CYREN: variants seen among roughly 807,000 people sequenced by gnomAD.
The protein encoded by CYREN is cell cycle regulator of NHEJ, also known as cell cycle regulator of non-homologous end joining.
CYREN carries 7 observed loss-of-function variants against 9.7 expected under a neutral mutation model. The ratio of observed to expected loss-of-function variants is 0.72; its 90% CI spans 0.41 to 1.36. CYREN has a LOEUF of 1.36. Among genes scored for constraint, CYREN ranks in the 40% most tolerant of loss-of-function variants. The pLI is 0.01. For synonymous variants in CYREN, 76 were observed against 77.9 expected (o/e 0.98, Z 0.13); for missense variants, 215 against 198.1 (o/e 1.09, Z -0.51).
intron 1 of CYREN, chr7:135,170,227 G>A (rs292506): frequency 0.45 from 68,100 of 152,286 alleles, 15,807 homozygotes; most frequent in East Asian, 0.75. Context: ...AGCAGGCCGC[G>A]GCAACTTCCA....
chr7:135,119,722 A>G (rs2117229742), intron 2 of CYREN, among the ~76,000 whole-genome samples: 1 of 152,168 alleles, frequency 6.6e-6, no homozygotes, highest in Admixed American at 6.5e-5. Context: ...CTAAAAATAC[A>G]AAAAATTAGC....
rs182928636 is a variant in CYREN, at chr7:135,120,622, C to T, written n.357-26040G>A. 2.6e-5 allele frequency among the ~76,000 whole-genome samples: 4 copies of T among 152,034 alleles called. 1 individual carries two copies. The highest frequency in any genetic ancestry group is 9.7e-5 in the African/African-American group (4 of 41,382). On this transcript the variant is annotated intron_variant and non_coding_transcript_variant, in intron 2 of 2. Coordinates refer to the CYREN transcript ENST00000459937. ...CAACTATTACATTAAATGTAAATGA[C>T]CTAAATACAACAGTTAAGGACAGAT...
chr7:135,120,184 C>T (rs904299042), intron 2 of CYREN, among the ~76,000 whole-genome samples: 5 of 151,958 alleles, frequency 3.3e-5, no homozygotes, highest in South Asian at 2.1e-4. Context: ...AGAAAGAATA[C>T]GGTAAGCAAA....
chr7:135,144,926 G>A (rs1179850134), intron 2 of CYREN, among the ~76,000 whole-genome samples: 4 of 73,178 alleles, frequency 5.5e-5, no homozygotes, highest in Admixed American at 1.9e-4. Context: ...GAGAGACCCT[G>A]TCTCAAAAGA....
At chr7:135,096,414 G>GCAAA (rs200230384) in intron 2 of CYREN, among the ~76,000 whole-genome samples, 1 of 147,162 alleles carries the variant, frequency 6.8e-6, no homozygotes, top group Non-Finnish European at 1.5e-5. Flanking sequence ...GAGGAAGGAA[G>GCAAA]GAAAGAAAGA....
chr7:135,128,505 A>C (rs1417853499), intron 2 of CYREN: 1 of 758,884 alleles, frequency 1.3e-6, no homozygotes, highest in East Asian at 2.5e-5. Flanking sequence ...TTTACGATGG[A>C]GATGAATTTA....
chr7:135,112,268 A>G (rs1825751000), intron 2 of CYREN, among the ~76,000 whole-genome samples: 2 of 152,180 alleles, frequency 1.3e-5, no homozygotes, highest in African/African-American at 4.8e-5. Context: ...CCTGGGTCCC[A>G]GTGTGATCTT....
Position 135,166,923 on chromosome 7 carries a change from C to T in CYREN, c.214-52G>A, listed in dbSNP as rs567326025. On this transcript the variant is annotated intron_variant, in intron 3 of 3. Coordinates refer to ENST00000393114, the MANE Select transcript of CYREN (RefSeq NM_024033.4). ...CAACATACGTGTTTTATTTCCCTAA[C>T]ATGCTGATCTGTCAGTAACACAGGA... 32 of 1,586,768 alleles carry T rather than the reference C, an allele frequency of 2.0e-5. No homozygotes were observed. In the African/African-American group the frequency reaches 3.4e-4, roughly 17 times the overall value.
intron 2 of CYREN, among the ~76,000 whole-genome samples, chr7:135,113,055 G>A (rs1480180962): frequency 6.6e-6 from 1 of 152,164 alleles, no homozygotes; most frequent in African/African-American, 2.4e-5. Context: ...GAGATTACAA[G>A]CATGAGCTAC....
downstream of CYREN, among the ~76,000 whole-genome samples, chr7:135,161,234 C>T (rs1455772153): frequency 6.6e-6 from 1 of 152,210 alleles, no homozygotes; most frequent in Non-Finnish European, 1.5e-5. The surrounding 1 kb of genome is among the most constrained non-coding windows in gnomAD (Gnocchi z 4.1). Context: ...ACAAAGGCTC[C>T]TGGCGTCTGG....
intron 2 of CYREN, among the ~76,000 whole-genome samples, chr7:135,150,256 A>C (rs1343883413): frequency 6.6e-6 from 1 of 152,224 alleles, no homozygotes; most frequent in African/African-American, 2.4e-5. Context: ...CAAAACAAAT[A>C]TCTCTTCTGA....
At chr7:135,160,735 T>TA (rs11295955) in intron 2 of CYREN, among the ~76,000 whole-genome samples, 86,750 of 145,246 alleles carry the variant, frequency 0.6, 26,378 homozygotes, top group East Asian at 0.78. Context: ...TTCGCTCATT[T>TA]AAAAAAAAAA....
intron 2 of CYREN, among the ~76,000 whole-genome samples, chr7:135,136,813 A>C (rs2117384870): frequency 6.6e-6 from 1 of 152,240 alleles, no homozygotes; most frequent in Admixed American, 6.5e-5. Flanking sequence ...TGACCAAAAA[A>C]GGTGATAAAC....
Position 135,117,388 on chromosome 7 carries a change from T to C in CYREN, n.357-22806A>G, listed in dbSNP as rs145428292. ...TGTAGGTTTCAGCCCTATGATTACA[T>C]TCAGATGTAACGTCATGTTCAACAT... On this transcript the variant is annotated intron_variant and non_coding_transcript_variant, in intron 2 of 2. Transcript: ENST00000459937. Among the ~76,000 whole-genome samples, 447 of 152,316 alleles carry C rather than the reference T, an allele frequency of 2.9e-3. 2 individuals carry two copies. Among genetic ancestry groups the C allele is most frequent in the Middle Eastern group, 0.014 (4 of 294 alleles).
chr7:135,167,371 G>C (rs922440851), intron 3 of CYREN: 1 of 1,114,898 alleles, frequency 9.0e-7, no homozygotes, highest in South Asian at 3.2e-5. Flanking sequence ...GCTCAGGAGA[G>C]GGGCAATGGC....
intron 2 of CYREN, chr7:135,115,550 A>T: frequency 1.3e-6 from 2 of 1,551,524 alleles, no homozygotes; most frequent in South Asian, 1.2e-5. Context: ...CACTAAAAAC[A>T]TGCAAACCAC....
chr7:135,171,715 GT>G (rs1361606482), upstream of CYREN, among the ~76,000 whole-genome samples: 4 of 152,314 alleles, frequency 2.6e-5, no homozygotes, highest in Admixed American at 2.6e-4. Flanking sequence ...TGTCTGAGAG[GT>G]TTTGTCTGTG....
chr7:135,119,921 C>T (rs151110064), intron 2 of CYREN, among the ~76,000 whole-genome samples: 11 of 152,288 alleles, frequency 7.2e-5, no homozygotes, highest in African/African-American at 2.4e-4. Flanking sequence ...AAAAATGACA[C>T]CTTTCCTACA....
At position 135,156,032 on chromosome 7, in the gene CYREN, G is replaced by GT. The variant is rs34544342; in HGVS notation, n.356+12716dup. Among the ~76,000 whole-genome samples, 322 of 149,208 alleles carry GT rather than the reference G, an allele frequency of 2.2e-3. 2 individuals are homozygous for GT. Among genetic ancestry groups the GT allele is most frequent in the African/African-American group, 6.0e-3 (245 of 40,606 alleles). On this transcript the variant is annotated intron_variant and non_coding_transcript_variant, in intron 2 of 2. Coordinates refer to the CYREN transcript ENST00000459937. ...AAAATTCTTGGCTGACAGACACACT[G>GT]TTTTTTTTTTTCCCTTTAGCACTTT...
Sources: gnomAD v4.1 joint callset for allele counts (sites outside exome capture counted in the v4.1 genomes callset) on GRCh38, gnomAD v4.1.1 for gene constraint, Gnocchi (gnomAD v3.1) non-coding constraint, MANE v1.5 for transcripts, NCBI Gene and HGNC (gene_info 2026-07-23, HGNC 2026-07-21) for gene names.